BAIAP2: variants seen among roughly 807,000 people sequenced by gnomAD.
BAIAP2 encodes the protein BAR/IMD domain containing adaptor protein 2.
A neutral mutation model predicts 63.0 loss-of-function variants in BAIAP2; 18 were observed. The ratio of observed to expected loss-of-function variants is 0.29; its 90% CI spans 0.20 to 0.42. BAIAP2 has a LOEUF of 0.42. Among genes scored for constraint, BAIAP2 ranks in the 10% least tolerant of loss-of-function variants. The pLI, the probability that BAIAP2 is intolerant of heterozygous loss-of-function variation, is 1.00. For synonymous variants in BAIAP2, 386 were observed against 307.6 expected (o/e 1.25, Z -2.67); for missense variants, 610 against 734.3 (o/e 0.83, Z 1.96).
At chr17:81,039,075 C>G (rs1441846124) in intron 1 of BAIAP2, among the ~76,000 whole-genome samples, 1 of 152,254 alleles carries the variant, frequency 6.6e-6, no homozygotes, top group Admixed American at 6.5e-5. Context: ...CGCAGGGTGG[C>G]TGGGTCTGCT....
rs766248709 is a variant in BAIAP2, at chr17:81,103,630, C to G, written c.771C>G (p.Ala257=). The change falls in exon 8 of 14, where the codon GCC becomes GCG. Residue 257 remains alanine, a synonymous_variant. Transcript: ENST00000428708. ...GCAACGGCGCCACCCTCCCCAGCGC[C>G]CTGTCGGCCTCCAAGTCCAACCTGG... ...VASNGATLPS[A]LSASKSNLVI... 6.2e-7 allele frequency: 1 copy of G among 1,605,866 alleles called. No homozygotes were observed. Among genetic ancestry groups the G allele is most frequent in the Non-Finnish European group, 8.5e-7 (1 of 1,178,882 alleles).
intron 13 of BAIAP2, chr17:81,109,422 CTT>C (rs1217928273): frequency 6.1e-6 from 6 of 979,270 alleles, no homozygotes; most frequent in Non-Finnish European, 7.3e-6. Flanking sequence ...GGAAAAAGGA[CTT>C]TTTTTTTCCT....
intron 1 of BAIAP2, among the ~76,000 whole-genome samples, chr17:81,042,164 C>CA (rs1452233212): frequency 1.7e-5 from 2 of 119,040 alleles, no homozygotes; most frequent in African/African-American, 6.5e-5. Flanking sequence ...TTTTTGGAGA[C>CA]AGAGTCTTGC....
rs758799917 is a variant in BAIAP2 at position 81,106,695 on chromosome 17, G to A, written c.1338-50G>A. The A allele has an allele frequency of 4.4e-6, 7 of 1,608,272 alleles. No homozygotes were observed. In the African/African-American group the frequency reaches 9.3e-5, roughly 21 times the overall value. Reference sequence around the variant, plus strand: ...CCAGGGAGCCACAGGGTTGTGGGGTGTTGGGGGCATCCGGCCTGCTGGGCC... The same window carrying A: ...CCAGGGAGCCACAGGGTTGTGGGGTATTGGGGGCATCCGGCCTGCTGGGCC... On this transcript the variant is annotated intron_variant, in intron 11 of 13. Transcript: ENST00000428708.
At chr17:81,088,016 A>C (rs1439124418) in intron 6 of BAIAP2, among the ~76,000 whole-genome samples, 14 of 152,066 alleles carry the variant, frequency 9.2e-5, no homozygotes, top group Non-Finnish European at 2.9e-5. Context: ...AGCAGTGGGC[A>C]TGGGGAGTTG....
intron 3 of BAIAP2, among the ~76,000 whole-genome samples, chr17:81,079,537 C>G (rs1053051629): frequency 6.6e-6 from 1 of 152,120 alleles, no homozygotes; most frequent in African/African-American, 2.4e-5. Flanking sequence ...CCTCCTCACT[C>G]CCCAGCATCC....
chr17:81,055,574 G>GTTTTTTTTTTTTTT (rs1555657874), intron 2 of BAIAP2, among the ~76,000 whole-genome samples: 2 of 123,402 alleles, frequency 1.6e-5, no homozygotes, highest in Non-Finnish European at 3.3e-5. Context: ...AGGGTGTTTT[G>GTTTTTTTTTTTTTT]TTTTTTTTTG....
chr17:81,086,396 G>T, intron 5 of BAIAP2, 47 bp from the exon 6 acceptor site: 1 of 1,604,996 alleles, frequency 6.2e-7, no homozygotes, highest in South Asian at 1.1e-5. Flanking sequence ...TCCGCGCTGC[G>T]TTGGGTTCAT....
At chr17:81,069,569 C>T (rs1021415591) in intron 3 of BAIAP2, among the ~76,000 whole-genome samples, 6 of 152,218 alleles carry the variant, frequency 3.9e-5, no homozygotes, top group East Asian at 1.9e-4. Context: ...TGGGAGTTCT[C>T]GAGTCTGTTC....
intron 3 of BAIAP2, among the ~76,000 whole-genome samples, chr17:81,066,584 C>T (rs1211374695): frequency 1.3e-5 from 2 of 152,226 alleles, no homozygotes; most frequent in East Asian, 1.9e-4. Flanking sequence ...TGGCTCCCTC[C>T]GTGTGTGCGG....
intron 1 of BAIAP2, among the ~76,000 whole-genome samples, chr17:81,035,566 C>T (rs8072683): frequency 0.73 from 109,114 of 149,654 alleles, 40,014 homozygotes; most frequent in Middle Eastern, 0.8. Flanking sequence ...AGTCCCCAGC[C>T]CCAGGCCCGG....
intron 13 of BAIAP2, among the ~76,000 whole-genome samples, chr17:81,114,257 A>AG (rs960235129): frequency 2.3e-4 from 35 of 150,432 alleles, no homozygotes; most frequent in African/African-American, 8.1e-4. Context: ...TCTAGGCAGG[A>AG]GCCACTATGC....
intron 3 of BAIAP2, among the ~76,000 whole-genome samples, chr17:81,081,110 TC>T (rs1306531233): frequency 6.6e-6 from 1 of 152,174 alleles, no homozygotes; most frequent in East Asian, 1.9e-4. Context: ...TGAAGCCAGT[TC>T]CCAGTGTCCA....
rs550579450 is a variant in BAIAP2, at chr17:81,108,515, G to C, written c.1535+6G>C. ...GGAGCGCGGTCCATGAGCAGGTAAGGGGACTTTCAGACCTGTCTTTGGGAC... is the reference window on the plus strand; with the variant it reads ...GGAGCGCGGTCCATGAGCAGGTAAGCGGACTTTCAGACCTGTCTTTGGGAC... On this transcript the variant is annotated splice_donor_region_variant and intron_variant, in intron 13 of 13. Transcript: ENST00000428708. 35 of 1,613,892 alleles carry C rather than the reference G, an allele frequency of 2.2e-5. No homozygotes were observed. The highest frequency in any genetic ancestry group is 2.2e-4 in the Admixed American group (13 of 60,024).
intron 3 of BAIAP2, among the ~76,000 whole-genome samples, chr17:81,065,307 G>A (rs1029002891): frequency 2.0e-5 from 3 of 152,062 alleles, no homozygotes; most frequent in Non-Finnish European, 2.9e-5. Flanking sequence ...TGCCCGTCCC[G>A]GCCCCCTGCA....
intron 13 of BAIAP2, among the ~76,000 whole-genome samples, chr17:81,113,520 T>TG (rs1238043707): frequency 6.6e-6 from 1 of 151,924 alleles, no homozygotes; most frequent in Non-Finnish European, 1.5e-5. Flanking sequence ...AGCTGGGGGG[T>TG]GGGGGCCAGG....
intron 3 of BAIAP2, among the ~76,000 whole-genome samples, chr17:81,080,821 A>G (rs148896758): frequency 3.3e-5 from 5 of 152,320 alleles, no homozygotes; most frequent in Admixed American, 1.3e-4. Context: ...GTTGGAGACC[A>G]GCCTGGGTGA....
At chr17:81,040,692 C>T (rs763287962) in intron 1 of BAIAP2, among the ~76,000 whole-genome samples, 9 of 152,226 alleles carry the variant, frequency 5.9e-5, no homozygotes, top group Admixed American at 3.3e-4. Context: ...GCTCCCCGGG[C>T]GGTGGCCTGG....
At chr17:81,053,493 G>A (rs1014379286) in intron 1 of BAIAP2, 175 bp from the exon 2 acceptor site, 12 of 666,178 alleles carry the variant, frequency 1.8e-5, no homozygotes, top group African/African-American at 1.8e-5. Flanking sequence ...TTTTCCCAAG[G>A]ACATTGATCA....
Sources: gnomAD v4.1 joint callset for allele counts (sites outside exome capture counted in the v4.1 genomes callset) on GRCh38, gnomAD v4.1.1 for gene constraint, MANE v1.5 for transcripts, NCBI Gene and HGNC (gene_info 2026-07-23, HGNC 2026-07-21) for gene names.